Variants in CEP164 observed in about 807,000 individuals in gnomAD.
CEP164 encodes the protein centrosomal protein 164, also known as centrosomal protein of 164 kDa.
CEP164 carries 162 observed loss-of-function variants against 182.7 expected under a neutral mutation model. The ratio of observed to expected loss-of-function variants is 0.89; its 90% CI spans 0.78 to 1.01. The LOEUF (loss-of-function observed/expected upper bound fraction) is 1.01, where lower values mean the gene tolerates loss of function less well. Ranked by LOEUF, CEP164 falls within the 50% of genes least tolerant of loss-of-function variation. The pLI, the probability that CEP164 is intolerant of heterozygous loss-of-function variation, is 0.00. For missense variants in CEP164, 1,735 were observed against 1,790.4 expected (o/e 0.97, Z 0.56); for synonymous variants, 661 against 690.0 (o/e 0.96, Z 0.66).
intron 3 of CEP164, among the ~76,000 whole-genome samples, chr11:117,342,928 A>G (rs1252346272): frequency 6.6e-6 from 1 of 152,086 alleles, no homozygotes; most frequent in African/African-American, 2.4e-5. Context: ...AGGCTGGAGT[A>G]TAGCCTTGAC....
upstream of CEP164, among the ~76,000 whole-genome samples, chr11:117,323,359 T>C (rs982208852): frequency 6.6e-6 from 1 of 152,124 alleles, no homozygotes; most frequent in South Asian, 2.1e-4. Flanking sequence ...TGTCTTTCTG[T>C]GCCTAGCTTA....
intron 8 of CEP164, among the ~76,000 whole-genome samples, chr11:117,366,453 A>C (rs994992158): frequency 6.6e-6 from 1 of 152,060 alleles, no homozygotes; most frequent in African/African-American, 2.4e-5. Context: ...CTTCAAGTCT[A>C]TTACAGACTG....
rs1592219544 is a variant in CEP164, at chr11:117,371,149, C to T, written c.835C>T (p.Pro279Ser). The change falls in exon 9 of 33, where the codon CCT (proline) becomes TCT (serine). Residue 279 changes from proline (P) to serine (S), a missense_variant. Coordinates refer to ENST00000278935, the MANE Select transcript of CEP164 (RefSeq NM_014956.5). ...TCTGGATTCAGATGCTGCCGGTCCC[C>T]CTACTCCCTGCAAGCCCTCCAGCCC... ...VSLDSDAAGP[P>S]TPCKPSSPGA... 1 of 1,613,908 alleles carries T rather than the reference C, an allele frequency of 6.2e-7. No homozygotes were observed. Among genetic ancestry groups the T allele is most frequent in the Non-Finnish European group, 8.5e-7 (1 of 1,179,926 alleles).
At chr11:117,358,449 G>A (rs1006642905) in intron 5 of CEP164, among the ~76,000 whole-genome samples, 1 of 151,928 alleles carries the variant, frequency 6.6e-6, no homozygotes, top group African/African-American at 2.4e-5. Context: ...TGATACATAG[G>A]CTGGTTTGAA....
intron 15 of CEP164, 63 bp from the exon 16 acceptor site, chr11:117,390,714 T>TTA (rs964880355): frequency 6.4e-5 from 102 of 1,605,090 alleles, no homozygotes; most frequent in Middle Eastern, 3.5e-4. Flanking sequence ...GAGCCATAGC[T>TTA]TATGAATAGA....
chr11:117,408,684 A>C, intron 28 of CEP164: 1 of 642,958 alleles, frequency 1.6e-6, no homozygotes, highest in South Asian at 2.0e-5. Flanking sequence ...GACAGCCTAC[A>C]TACCACCTTG....
intron 2 of CEP164, among the ~76,000 whole-genome samples, chr11:117,336,103 G>A (rs2037067418): frequency 6.6e-6 from 1 of 151,982 alleles, no homozygotes; most frequent in Non-Finnish European, 1.5e-5. Flanking sequence ...GGGGTGGGGG[G>A]AGCACAAGGG....
intron 5 of CEP164, 150 bp downstream of exon 5, chr11:117,352,138 T>C (rs910933680): frequency 1.4e-5 from 10 of 691,490 alleles, no homozygotes; most frequent in Non-Finnish European, 2.4e-5. Context: ...TTTGCCTGTC[T>C]TCTGGTTGAT....
rs1565634414 is a variant in CEP164 at position 117,408,932 on chromosome 11, G to T, written c.3652G>T (p.Ala1218Ser). Reference sequence around the variant, plus strand: ...TCTGGGAGGATCCCCCACCAAGAAGGCAGTAACCTTCGACCTCAGTGACAT... The same window carrying T: ...TCTGGGAGGATCCCCCACCAAGAAGTCAGTAACCTTCGACCTCAGTGACAT... ...GTLGGSPTKK[A>S]VTFDLSDMDS... The change falls in exon 29 of 33, where the codon GCA (alanine) becomes TCA (serine). Residue 1218 changes from alanine (A) to serine (S), a missense_variant. Physicochemically the swap from Ala to Ser is moderately conservative, Grantham distance 99. Transcript: ENST00000278935. 1 of 1,614,140 alleles carries T rather than the reference G, an allele frequency of 6.2e-7. No homozygotes were observed. The highest frequency in any genetic ancestry group is 2.2e-5 in the East Asian group (1 of 44,874).
chr11:117,356,496 A>G (rs1457837754), intron 5 of CEP164: 1 of 1,288,188 alleles, frequency 7.8e-7, no homozygotes. Context: ...CCTGCTTGGC[A>G]AGAGGCCTCT....
At position 117,397,297 on chromosome 11, in the gene CEP164, G is replaced by T. The variant is rs758759503; in HGVS notation, c.3485G>T (p.Arg1162Leu). The T allele has an allele frequency of 1.2e-6, 2 of 1,612,648 alleles. No individual in the cohort carries two copies. The highest frequency in any genetic ancestry group is 2.2e-5 in the East Asian group (1 of 44,854). Residue 1162 changes from arginine (R) to leucine (L), a missense_variant, in exon 27 of 33, where the codon CGC becomes CTC. By Grantham distance (102) the Arg-to-Leu change is moderately radical. Transcript: ENST00000278935. ...PPGIKALEDM[R>L]KNLEKETRHL... Reference sequence around the variant, plus strand: ...GGCATCAAGGCCCTGGAAGATATGCGCAAGAACCTGGAGAAGGTCAGGAGC... The same window carrying T: ...GGCATCAAGGCCCTGGAAGATATGCTCAAGAACCTGGAGAAGGTCAGGAGC...
Position 117,396,056 on chromosome 11 carries a change from G to A in CEP164, c.3092G>A (p.Ser1031Asn), listed in dbSNP as rs762693101. ...CTCACTCATCTTTCCTTCCACAGCA[G>A]CCTGGAGGCTGAAGCTCAAAAGAAG... ...QSQQLQKHFS[S>N]LEAEAQKKQH... Residue 1031 changes from serine to asparagine, a missense_variant and splice_region_variant, in exon 25 of 33, where the codon AGC (serine) becomes AAC (asparagine). Transcript: ENST00000278935. 1.2e-5 allele frequency: 19 copies of A among 1,614,156 alleles called. No homozygotes were observed. The highest frequency in any genetic ancestry group is 2.2e-5 in the East Asian group (1 of 44,870).
At chr11:117,370,322 C>G (rs1165105106) in intron 8 of CEP164, among the ~76,000 whole-genome samples, 1 of 152,176 alleles carries the variant, frequency 6.6e-6, no homozygotes, top group African/African-American at 2.4e-5. Context: ...CCCCTGTTGC[C>G]TATTAAACAT....
chr11:117,363,528 G>A (rs1360993796), intron 8 of CEP164, 22 bp downstream of exon 8: 2 of 1,553,790 alleles, frequency 1.3e-6, no homozygotes, highest in African/African-American at 1.4e-5. Flanking sequence ...AATCCCTACA[G>A]GCACATGTGT....
At chr11:117,373,575 C>T (rs76344095) in intron 9 of CEP164, among the ~76,000 whole-genome samples, 176 bp from the exon 10 acceptor site, 1,719 of 152,310 alleles carry the variant, frequency 0.011, 21 homozygotes, top group Non-Finnish European at 0.018. Context: ...AGGCTGTGCA[C>T]ATGTCCAGAG....
chr11:117,409,032 A>G lies in CEP164; in HGVS notation c.3748+4A>G. On this transcript the variant is annotated splice_donor_region_variant and intron_variant, in intron 29 of 32. Coordinates refer to ENST00000278935, the MANE Select transcript of CEP164 (RefSeq NM_014956.5). The surrounding 1 kb of genome is among the most constrained non-coding windows in gnomAD (Gnocchi z 4.4). ...GAGTGGTGGCGGCAGCAGAGGAGTG[A>G]GTGGGGGAGATGCGGGGTGAGGACC... 1 of 1,613,848 alleles carries G rather than the reference A, an allele frequency of 6.2e-7. No homozygotes were observed. Among genetic ancestry groups the G allele is most frequent in the Non-Finnish European group, 8.5e-7 (1 of 1,179,892 alleles).
intron 5 of CEP164, among the ~76,000 whole-genome samples, chr11:117,353,033 C>G (rs1160326260): frequency 6.6e-6 from 1 of 152,144 alleles, no homozygotes; most frequent in Non-Finnish European, 1.5e-5. Context: ...GACCTGGAGC[C>G]ATACCAAAGT....
At chr11:117,369,676 G>A (rs762061622) in intron 8 of CEP164, among the ~76,000 whole-genome samples, 2 of 151,790 alleles carry the variant, frequency 1.3e-5, no homozygotes, top group Non-Finnish European at 3.0e-5. Context: ...CTCATTGGAA[G>A]TTATTCAGTC....
chr11:117,380,232 T>C (rs1043079013), intron 11 of CEP164, among the ~76,000 whole-genome samples: 1 of 152,142 alleles, frequency 6.6e-6, no homozygotes, highest in Admixed American at 6.5e-5. Context: ...TGGGCCTCTG[T>C]GGATTTGGGG....
Sources: allele counts gnomAD v4.1 joint callset (sites outside exome capture counted in the v4.1 genomes callset), GRCh38; gene constraint gnomAD v4.1.1; non-coding constraint Gnocchi (gnomAD v3.1); transcripts MANE v1.5; gene names NCBI Gene and HGNC (gene_info 2026-07-23, HGNC 2026-07-21).